The following ZDHHC21 variants were observed in gnomAD, a reference collection of about 807,000 sequenced individuals.
The protein encoded by ZDHHC21 is zDHHC palmitoyltransferase 21.
A neutral mutation model predicts 34.6 loss-of-function variants in ZDHHC21; 15 were observed. The ratio of observed to expected loss-of-function variants is 0.43; its 90% CI spans 0.29 to 0.67. ZDHHC21 has a LOEUF of 0.67. Ranked by LOEUF, ZDHHC21 falls within the 30% of genes least tolerant of loss-of-function variation. The pLI, the probability that ZDHHC21 is intolerant of heterozygous loss-of-function variation, is 0.14. For synonymous variants in ZDHHC21, 142 were observed against 101.8 expected (o/e 1.40, Z -2.38); for missense variants, 344 against 327.7 (o/e 1.05, Z -0.38).
chr9:14,692,763 T>C (rs761083720), intron 1 of ZDHHC21, among the ~76,000 whole-genome samples: 1 of 152,172 alleles, frequency 6.6e-6, no homozygotes, highest in African/African-American at 2.4e-5. Flanking sequence ...CTCTGCAGCT[T>C]CACACCAGAA....
chr9:14,650,533 C>A (rs962515426), intron 7 of ZDHHC21, among the ~76,000 whole-genome samples: 2 of 151,718 alleles, frequency 1.3e-5, no homozygotes, highest in Admixed American at 6.6e-5. Flanking sequence ...ATTATTAAGG[C>A]TACAATATTT....
intron 8 of ZDHHC21, among the ~76,000 whole-genome samples, chr9:14,630,186 A>G (rs1222157291): frequency 6.6e-6 from 1 of 152,240 alleles, no homozygotes; most frequent in Non-Finnish European, 1.5e-5. Flanking sequence ...ATGTGGAGTC[A>G]ATCCTCTCAA....
chr9:14,596,387 C>A, the ZDHHC21 span, among the ~76,000 whole-genome samples: 2 of 152,198 alleles, frequency 1.3e-5, no homozygotes, highest in Admixed American at 1.3e-4. Flanking sequence ...GGGCTCAGTG[C>A]CCTGAAGGAG....
intron 2 of ZDHHC21, among the ~76,000 whole-genome samples, chr9:14,686,827 G>A (rs924648277): frequency 6.7e-6 from 1 of 150,252 alleles, no homozygotes; most frequent in Non-Finnish European, 1.5e-5. Flanking sequence ...ACAAAAATAA[G>A]CTGGGCGTGG....
At chr9:14,601,069 C>A in the ZDHHC21 span, among the ~76,000 whole-genome samples, 2 of 152,130 alleles carry the variant, frequency 1.3e-5, no homozygotes, top group South Asian at 4.1e-4. Flanking sequence ...TGAGGCAATA[C>A]CTTTCAGGAC....
At chr9:14,591,768 T>C in the ZDHHC21 span, among the ~76,000 whole-genome samples, 160 of 152,272 alleles carry the variant, frequency 1.1e-3, no homozygotes, top group Admixed American at 2.0e-3. Context: ...TAAAAGTTAC[T>C]GATATAAAAT....
chr9:14,600,241 G>T, the ZDHHC21 span, among the ~76,000 whole-genome samples: 29 of 152,200 alleles, frequency 1.9e-4, no homozygotes, highest in Admixed American at 7.2e-4. Flanking sequence ...TGACATGACT[G>T]TATATTTAGA....
Position 14,678,038 on chromosome 9 carries a change from C to G in ZDHHC21, c.-46+1995G>C, listed in dbSNP as rs552890023. On this transcript the variant is annotated intron_variant, in intron 3 of 9. Transcript: ENST00000380916. ...CTAAGCGGTCCTGTTTACCACTGTT[C>G]GACGATATTCCATCCATGCCTCCTG... 3.3e-5 allele frequency among the ~76,000 whole-genome samples: 5 copies of G among 152,166 alleles called. No homozygotes were observed. The South Asian group carries it at 1.0e-3, about 32-fold the overall frequency.
intron 8 of ZDHHC21, among the ~76,000 whole-genome samples, chr9:14,639,561 C>T (rs1828944292): frequency 6.6e-6 from 1 of 152,000 alleles, no homozygotes; most frequent in Non-Finnish European, 1.5e-5. Flanking sequence ...ACCCCAAATA[C>T]TCTGATTTGA....
intron 7 of ZDHHC21, among the ~76,000 whole-genome samples, chr9:14,649,241 C>A (rs1250478607): frequency 6.6e-6 from 1 of 151,984 alleles, no homozygotes; most frequent in Non-Finnish European, 1.5e-5. Context: ...AATAGAAACA[C>A]CTGGAGACAG....
rs1419069335 is a variant in ZDHHC21 at position 14,614,879 on chromosome 9, T to G, written c.*4087A>C. 6.6e-6 allele frequency: 1 copy of G among 151,646 alleles called. No individual in the cohort carries two copies. Among genetic ancestry groups the G allele is most frequent in the South Asian group, 2.1e-4 (1 of 4,830 alleles). 9.4% of individuals were successfully genotyped at this position (151,646 alleles called of 1,614,324 possible). ...TTTTATCAAATAAATTCTAGATATA[T>G]CTATGTATATTAGAGGTCATGTCAG... On this transcript the variant is annotated 3_prime_UTR_variant, in exon 10 of 10. Coordinates refer to ENST00000380916, the MANE Select transcript of ZDHHC21 (RefSeq NM_178566.6).
chr9:14,608,935 T>C (rs1199416995), downstream of ZDHHC21, among the ~76,000 whole-genome samples: 1 of 152,150 alleles, frequency 6.6e-6, no homozygotes, highest in African/African-American at 2.4e-5. Flanking sequence ...TGTGAATCTG[T>C]AAAGGATACA....
the ZDHHC21 span, among the ~76,000 whole-genome samples, chr9:14,599,431 T>C: frequency 2.6e-5 from 4 of 152,150 alleles, no homozygotes; most frequent in African/African-American, 4.8e-5. Flanking sequence ...ATTACACTTT[T>C]TTCATGGTCT....
the ZDHHC21 span, among the ~76,000 whole-genome samples, chr9:14,597,502 C>A: frequency 1.3e-5 from 2 of 152,192 alleles, no homozygotes; most frequent in Non-Finnish European, 1.5e-5. Context: ...GAGAACAACG[C>A]AGTCCCTTCC....
downstream of ZDHHC21, among the ~76,000 whole-genome samples, chr9:14,609,277 T>C (rs1823124143): frequency 6.6e-6 from 1 of 152,176 alleles, no homozygotes. Context: ...AATTCCAGAA[T>C]TTAATTGTAT....
At chr9:14,678,465 G>A (rs921609239) in intron 3 of ZDHHC21, among the ~76,000 whole-genome samples, 1 of 151,844 alleles carries the variant, frequency 6.6e-6, no homozygotes, top group Non-Finnish European at 1.5e-5. Context: ...TACTGATTAG[G>A]AATTAACAAG....
intron 8 of ZDHHC21, among the ~76,000 whole-genome samples, chr9:14,639,116 T>C (rs1382331163): frequency 6.6e-6 from 1 of 152,134 alleles, no homozygotes; most frequent in East Asian, 1.9e-4. Context: ...TAAGTGTCTA[T>C]CAACAGATGA....
At chr9:14,672,098 G>A (rs1002398169) in intron 5 of ZDHHC21, among the ~76,000 whole-genome samples, 1 of 152,024 alleles carries the variant, frequency 6.6e-6, no homozygotes, top group East Asian at 1.9e-4. Context: ...ATATACTGAA[G>A]TCATTGTGTT....
intron 8 of ZDHHC21, among the ~76,000 whole-genome samples, chr9:14,633,407 C>A (rs1223599702): frequency 6.6e-6 from 1 of 152,134 alleles, no homozygotes; most frequent in African/African-American, 2.4e-5. Flanking sequence ...TAGAGGAAAG[C>A]CCCTAAACCC....
Sources: gnomAD v4.1 joint callset for allele counts (sites outside exome capture counted in the v4.1 genomes callset) on GRCh38, gnomAD v4.1.1 for gene constraint, MANE v1.5 for transcripts, NCBI Gene and HGNC (gene_info 2026-07-23, HGNC 2026-07-21) for gene names.